ZNF678: variants seen among roughly 807,000 people sequenced by gnomAD.
ZNF678 encodes hypothetical protein MGC42493.
Under a neutral mutation model 3.0 loss-of-function variants are expected in ZNF678, and 5 were observed. The observed-to-expected ratio is 1.69, with a 90% CI of 0.88 to 3.56. ZNF678 has a LOEUF of 3.56. Ranked by LOEUF, ZNF678 falls within the 30% of genes most tolerant of loss-of-function variation. The probability of loss-of-function intolerance (pLI) is 0.00; values close to 1 mark genes in which losing one functional copy is unlikely to be tolerated. For synonymous variants in ZNF678, 218 were observed against 199.6 expected (o/e 1.09, Z -0.78); for missense variants, 593 against 605.0 (o/e 0.98, Z 0.21).
chr1:227,620,550 G>C (rs980756473), intron 1 of ZNF678, among the ~76,000 whole-genome samples: 1 of 152,168 alleles, frequency 6.6e-6, no homozygotes, highest in African/African-American at 2.4e-5. Context: ...TACTTGTAAA[G>C]TTTACTGGAG....
At chr1:227,616,399 T>A in intron 1 of ZNF678, among the ~76,000 whole-genome samples, 1 of 152,198 alleles carries the variant, frequency 6.6e-6, no homozygotes, top group East Asian at 1.9e-4. Flanking sequence ...CCTGATACTG[T>A]CCCAGTGCTG....
intron 1 of ZNF678, among the ~76,000 whole-genome samples, chr1:227,568,192 A>G (rs944367238): frequency 6.6e-6 from 1 of 152,104 alleles, no homozygotes; most frequent in Non-Finnish European, 1.5e-5. Flanking sequence ...GGAGTTATTT[A>G]TACTTCCTAC....
At chr1:227,624,062 A>G (rs909038972) in intron 1 of ZNF678, among the ~76,000 whole-genome samples, 1 of 152,232 alleles carries the variant, frequency 6.6e-6, no homozygotes, top group Non-Finnish European at 1.5e-5. Flanking sequence ...GGTAGATGAT[A>G]GGCAGAGAGA....
At chr1:227,601,260 T>G (rs1482713796) in intron 1 of ZNF678, among the ~76,000 whole-genome samples, 2 of 152,186 alleles carry the variant, frequency 1.3e-5, no homozygotes, top group Non-Finnish European at 2.9e-5. Context: ...AAAAAAAAGT[T>G]CTGTGAAGAA....
intron 1 of ZNF678, among the ~76,000 whole-genome samples, chr1:227,610,165 G>C (rs1227937553): frequency 1.3e-5 from 2 of 152,118 alleles, no homozygotes; most frequent in Non-Finnish European, 2.9e-5. Context: ...TTCAAATGGA[G>C]ACTGTCCCCT....
At chr1:227,597,597 A>G (rs1201099047) in intron 1 of ZNF678, among the ~76,000 whole-genome samples, 1 of 152,220 alleles carries the variant, frequency 6.6e-6, no homozygotes, top group Non-Finnish European at 1.5e-5. Context: ...GCTAAAAAAT[A>G]TTCATTATTA....
chr1:227,651,139 AG>A lies in ZNF678; in HGVS notation c.85+67del, dbSNP rs1659082448. Reference sequence around the variant, plus strand: ...GATCTTTTCTGGGTTCATAGTAGAGAGGGGATATACCTGAGTCCTAAGGTTG... The same window carrying A: ...GATCTTTTCTGGGTTCATAGTAGAGAGGGATATACCTGAGTCCTAAGGTTG... On this transcript the variant is annotated intron_variant, in intron 3 of 3. Transcript: ENST00000343776. 1.6e-5 allele frequency: 26 copies of A among 1,582,832 alleles called. No individual in the cohort carries two copies. In the Middle Eastern group the frequency reaches 5.0e-4, roughly 31 times the overall value.
At chr1:227,644,604 A>C (rs139268335) in intron 1 of ZNF678, among the ~76,000 whole-genome samples, 1 of 152,324 alleles carries the variant, frequency 6.6e-6, no homozygotes, top group African/African-American at 2.4e-5. Context: ...AGGAGGATCA[A>C]CATTAACACG....
intron 1 of ZNF678, among the ~76,000 whole-genome samples, chr1:227,630,836 G>C (rs1292519910): frequency 6.6e-6 from 1 of 152,170 alleles, no homozygotes; most frequent in Non-Finnish European, 1.5e-5. Flanking sequence ...GACTCTGAGA[G>C]CTTCCTGTAG....
chr1:227,593,641 A>G (rs925812609), intron 1 of ZNF678, among the ~76,000 whole-genome samples: 2 of 152,204 alleles, frequency 1.3e-5, no homozygotes, highest in African/African-American at 4.8e-5. Context: ...ACAGGGTATA[A>G]CAAGGCAAGC....
intron 2 of ZNF678, among the ~76,000 whole-genome samples, chr1:227,648,423 C>A (rs1322759200): frequency 6.6e-6 from 1 of 152,196 alleles, no homozygotes; most frequent in African/African-American, 2.4e-5. Flanking sequence ...ATAATTAACA[C>A]ACTCAAATTG....
chr1:227,654,260 T>C, intron 3 of ZNF678, 76 bp from the exon 4 acceptor site: 1 of 1,122,794 alleles, frequency 8.9e-7, no homozygotes, highest in Non-Finnish European at 1.2e-6. Context: ...CTGATATAAT[T>C]ATATTTATTA....
At chr1:227,642,578 C>T (rs973625016) in intron 1 of ZNF678, among the ~76,000 whole-genome samples, 3 of 152,096 alleles carry the variant, frequency 2.0e-5, no homozygotes, top group Non-Finnish European at 4.4e-5. Flanking sequence ...GGGTCAGCTG[C>T]TTTACAAGGG....
At chr1:227,597,295 G>C (rs1243628225) in intron 1 of ZNF678, among the ~76,000 whole-genome samples, 1 of 152,200 alleles carries the variant, frequency 6.6e-6, no homozygotes, top group Non-Finnish European at 1.5e-5. Context: ...TGCCCTGGGT[G>C]GGCCAGGTGT....
chr1:227,583,651 A>T (rs1326358126), intron 1 of ZNF678, among the ~76,000 whole-genome samples: 1 of 152,176 alleles, frequency 6.6e-6, no homozygotes, highest in African/African-American at 2.4e-5. Flanking sequence ...GGGAAAAAAA[A>T]ATAGGAGGTA....
Position 227,655,698 on chromosome 1 carries a change from A to C in ZNF678, c.1448A>C (p.His483Pro), listed in dbSNP as rs1215370910. ...FSSLTRHKRI[H>P]TGEKRYKCKE... ...AGCCTTACTCGTCATAAAAGAATTC[A>C]TACTGGAGAGAAACGCTACAAATGT... is the stretch of plus-strand genomic sequence containing the variant. The change falls in exon 4 of 4, where the codon CAT becomes CCT. Residue 483 changes from histidine (H) to proline (P), a missense_variant. Physicochemically the swap from His to Pro is moderately conservative, Grantham distance 77 (BLOSUM62 -2). Coordinates refer to ENST00000343776, the MANE Select transcript of ZNF678 (RefSeq NM_001367909.1). The C allele has an allele frequency of 1.1e-5, 18 of 1,612,676 alleles. No individual in the cohort carries two copies. The highest frequency in any genetic ancestry group is 4.4e-5 in the South Asian group (4 of 91,022).
chr1:227,565,632 G>A (rs975213330), intron 1 of ZNF678, among the ~76,000 whole-genome samples: 1 of 151,920 alleles, frequency 6.6e-6, no homozygotes. Flanking sequence ...ATAACCTCTT[G>A]GCACTCTATT....
rs996590080 is a variant in ZNF678, at chr1:227,661,129, C to T, written c.*5301C>T. The T allele has an allele frequency of 1.4e-4, 21 of 152,184 alleles. No homozygotes were observed. The highest frequency in any genetic ancestry group is 5.1e-4 in the African/African-American group (21 of 41,432). The allele number at this position is 152,184 out of a possible 1,614,324, so 9.4% of individuals were successfully genotyped here. A position where few individuals can be genotyped will look rare whatever the true frequency, so the allele number is the denominator to read the frequency against. On this transcript the variant is annotated 3_prime_UTR_variant, in exon 4 of 4. Coordinates refer to ENST00000343776, the MANE Select transcript of ZNF678 (RefSeq NM_001367909.1). ...CCCAAATGAAATTGAGGCCCAGAAA[C>T]TTTCAACTGCTTTGTTCGTTGAATA...
chr1:227,669,336 A>G (rs756184522), intron 5 of ZNF678, among the ~76,000 whole-genome samples: 14 of 152,176 alleles, frequency 9.2e-5, no homozygotes, highest in Non-Finnish European at 1.5e-4. Flanking sequence ...TCACCAGAGA[A>G]ATGCAAATTA....
Sources: gnomAD v4.1 joint callset for allele counts (sites outside exome capture counted in the v4.1 genomes callset) on GRCh38, gnomAD v4.1.1 for gene constraint, MANE v1.5 for transcripts, NCBI Gene and HGNC (gene_info 2026-07-23, HGNC 2026-07-21) for gene names.